The following MAF variants were observed in gnomAD, a reference collection of about 807,000 sequenced individuals.
MAF encodes the protein MAF bZIP transcription factor.
MAF carries 10 observed loss-of-function variants against 22.0 expected under a neutral mutation model. The observed-to-expected ratio is 0.45, with a 90% CI of 0.28 to 0.77. MAF has a LOEUF of 0.77. Ranked by LOEUF, MAF falls within the 30% of genes least tolerant of loss-of-function variation. The pLI, the probability that MAF is intolerant of heterozygous loss-of-function variation, is 0.12. For missense variants in MAF, 544 were observed against 548.4 expected, an observed-to-expected ratio of 0.99 and a Z score of 0.08; for synonymous variants, 337 against 255.8, an observed-to-expected ratio of 1.32 and a Z score of -3.03.
chr16:79,544,419 T>C, the MAF span, among the ~76,000 whole-genome samples: 45 of 152,170 alleles, frequency 3.0e-4, no homozygotes, highest in African/African-American at 1.1e-3. Flanking sequence ...TGGAGGTATT[T>C]TGAGTGATTT....
the MAF span, among the ~76,000 whole-genome samples, chr16:79,475,046 T>A: frequency 6.6e-6 from 1 of 152,232 alleles, no homozygotes; most frequent in Non-Finnish European, 1.5e-5. Context: ...AGTGCACACA[T>A]GGCCTTGGCC....
chr16:79,547,132 G>C, the MAF span, among the ~76,000 whole-genome samples: 2 of 151,850 alleles, frequency 1.3e-5, no homozygotes, highest in Non-Finnish European at 2.9e-5. Context: ...TGAGACAGAC[G>C]GTGCAGGGAT....
intron 1 of MAF, chr16:79,595,535 G>A: frequency 9.4e-7 from 1 of 1,059,762 alleles, no homozygotes; most frequent in Non-Finnish European, 1.1e-6. Context: ...GACTAAGAGT[G>A]CAAACTGCAT....
the MAF span, among the ~76,000 whole-genome samples, chr16:79,471,500 C>T: frequency 2.6e-4 from 40 of 152,210 alleles, no homozygotes; most frequent in African/African-American, 9.4e-4. Flanking sequence ...CAGGCTAACT[C>T]CTGTCTCTAG....
At chr16:79,562,503 G>A in the MAF span, among the ~76,000 whole-genome samples, 4 of 152,118 alleles carry the variant, frequency 2.6e-5, no homozygotes, top group East Asian at 5.8e-4. Flanking sequence ...AGGCTTAAAG[G>A]CCCATTGTCT....
the MAF span, among the ~76,000 whole-genome samples, chr16:79,336,503 G>T: frequency 3.9e-5 from 6 of 152,166 alleles, no homozygotes; most frequent in African/African-American, 1.4e-4. Flanking sequence ...AAATAAAATT[G>T]CCTAGAATGT....
chr16:79,502,207 G>T, the MAF span, among the ~76,000 whole-genome samples: 111 of 152,220 alleles, frequency 7.3e-4, no homozygotes, highest in Admixed American at 5.4e-3. Context: ...CCTGAGGCCC[G>T]GCTACTTCCA....
At chr16:79,541,657 T>G in the MAF span, among the ~76,000 whole-genome samples, 2 of 151,190 alleles carry the variant, frequency 1.3e-5, no homozygotes, top group African/African-American at 2.4e-5. Context: ...ACTAGGGTTT[T>G]TTTAGTTTTT....
chr16:79,446,336 A>T, the MAF span, among the ~76,000 whole-genome samples: 2 of 152,102 alleles, frequency 1.3e-5, no homozygotes, highest in Non-Finnish European at 2.9e-5. Flanking sequence ...TGCTTCTTCT[A>T]TAGTAACCTG....
the MAF span, among the ~76,000 whole-genome samples, chr16:79,368,559 A>C: frequency 6.6e-6 from 1 of 152,066 alleles, no homozygotes; most frequent in Non-Finnish European, 1.5e-5. Flanking sequence ...ATGTTACTGA[A>C]AACCTTATGT....
chr16:79,528,067 G>C, the MAF span, among the ~76,000 whole-genome samples: 1 of 152,172 alleles, frequency 6.6e-6, no homozygotes, highest in Non-Finnish European at 1.5e-5. Flanking sequence ...ACTTGAACCT[G>C]GGAGGTGGAG....
At chr16:79,507,711 C>G in the MAF span, among the ~76,000 whole-genome samples, 4 of 152,306 alleles carry the variant, frequency 2.6e-5, no homozygotes, top group Admixed American at 2.6e-4. Context: ...AGGCGTGAGC[C>G]ACCGCGCCCG....
At chr16:79,588,246 T>C (rs1351245309) in intron 1 of MAF, among the ~76,000 whole-genome samples, 2 of 152,198 alleles carry the variant, frequency 1.3e-5, no homozygotes. Context: ...GTCTCCACAC[T>C]GCTCCGAGTC....
At chr16:79,223,952 A>T in the MAF span, among the ~76,000 whole-genome samples, 1 of 152,126 alleles carries the variant, frequency 6.6e-6, no homozygotes, top group Non-Finnish European at 1.5e-5. Flanking sequence ...CTGGTACCAT[A>T]CCTTCTGAAA....
the MAF span, among the ~76,000 whole-genome samples, chr16:79,321,103 G>T: frequency 6.6e-6 from 1 of 152,218 alleles, no homozygotes; most frequent in African/African-American, 2.4e-5. Context: ...ACTCAGTGAT[G>T]CAAGGCACAG....
the MAF span, among the ~76,000 whole-genome samples, chr16:79,579,415 C>A: frequency 6.6e-6 from 1 of 152,102 alleles, no homozygotes; most frequent in Non-Finnish European, 1.5e-5. Context: ...CTGACATTGC[C>A]TCTACCATAC....
the MAF span, among the ~76,000 whole-genome samples, chr16:79,346,298 T>G: frequency 6.6e-6 from 1 of 151,956 alleles, no homozygotes; most frequent in African/African-American, 2.4e-5. Context: ...GTCCTTGCGA[T>G]AGTTTGCTGA....
the MAF span, among the ~76,000 whole-genome samples, chr16:79,278,857 G>T: frequency 6.6e-6 from 1 of 152,144 alleles, no homozygotes; most frequent in South Asian, 2.1e-4. Flanking sequence ...TCGGGGCAAA[G>T]GCACAGCCTA....
chr16:79,534,521 C>T, the MAF span, among the ~76,000 whole-genome samples: 3 of 149,222 alleles, frequency 2.0e-5, no homozygotes, highest in Admixed American at 6.8e-5. Flanking sequence ...CTGTGATTTA[C>T]AGAATACTGC....
Sources: gnomAD v4.1 joint callset for allele counts (sites outside exome capture counted in the v4.1 genomes callset) on GRCh38, gnomAD v4.1.1 for gene constraint, MANE v1.5 for transcripts, NCBI Gene and HGNC (gene_info 2026-07-23, HGNC 2026-07-21) for gene names.